Variants in MSI2 observed in about 807,000 individuals in gnomAD.
MSI2 encodes RNA-binding protein Musashi homolog 2.
A neutral mutation model predicts 45.6 loss-of-function variants in MSI2; 17 were observed. The observed-to-expected ratio is 0.37, with a 90% CI of 0.26 to 0.56. MSI2 has a LOEUF of 0.56. MSI2 is among the 20% of genes least tolerant of loss of function. MSI2 has a pLI of 0.77. For missense variants in MSI2, 293 were observed against 444.2 expected (o/e 0.66, Z 3.06); for synonymous variants, 156 against 158.2 (o/e 0.99, Z 0.11).
In MSI2 at chr17:57,410,008, C is replaced by CAAAAAAAAAAAAAAAAAAAAAAAA. The variant is rs59098048; in HGVS notation, c.405+8554_405+8555insAAAAAAAAAAAAAAAAAAAAAAAA. ...GGGTGACAGTGTGAGACTCTGTCTC[C>CAAAAAAAAAAAAAAAAAAAAAAAA]AAAAAAAAAAAAAAAAATGGGGAGT... is the stretch of plus-strand genomic sequence containing the variant. On this transcript the variant is annotated intron_variant, in intron 6 of 13. Transcript: ENST00000284073. Among the ~76,000 whole-genome samples the CAAAAAAAAAAAAAAAAAAAAAAAA allele has an allele frequency of 1.2e-3, 74 of 61,644 alleles. 4 individuals are homozygous for CAAAAAAAAAAAAAAAAAAAAAAAA. The highest frequency in any genetic ancestry group is 1.5e-3 in the Non-Finnish European group (50 of 33,730). 40.4% of individuals were successfully genotyped at this position (61,644 alleles called of 152,430 possible). A position where few individuals can be genotyped will look rare whatever the true frequency, so the allele number is the denominator to read the frequency against.
chr17:57,463,086 G>A (rs1448512846), intron 6 of MSI2, among the ~76,000 whole-genome samples: 3 of 152,198 alleles, frequency 2.0e-5, no homozygotes, highest in Non-Finnish European at 2.9e-5. Flanking sequence ...CTTGGAGGAC[G>A]CTAGTCCTGG....
chr17:57,623,455 C>G (rs558324335), intron 9 of MSI2, among the ~76,000 whole-genome samples: 7 of 152,308 alleles, frequency 4.6e-5, no homozygotes, highest in African/African-American at 1.7e-4. Flanking sequence ...ACAACTTTGT[C>G]AGCATCCCCA....
intron 5 of MSI2, among the ~76,000 whole-genome samples, chr17:57,351,468 CT>C: frequency 6.6e-6 from 1 of 152,324 alleles, no homozygotes; most frequent in South Asian, 2.1e-4. Context: ...CCTCAGCCCC[CT>C]GCCTGTTCCC....
At position 57,677,065 on chromosome 17, in the gene MSI2, A is replaced by G. The variant is rs777476189; in HGVS notation, c.*31+6A>G. 8.1e-6 allele frequency: 13 copies of G among 1,605,682 alleles called. No individual in the cohort carries two copies. Among genetic ancestry groups the G allele is most frequent in the Non-Finnish European group, 1.1e-5 (13 of 1,172,426 alleles). ...CGTTGCCATCTCACTCTGAGGTATT[A>G]CCGTCTCTGCCATGTGTCTCTGCCC... On this transcript the variant is annotated splice_donor_region_variant and intron_variant, in intron 13 of 13. Coordinates refer to ENST00000284073, the MANE Select transcript of MSI2 (RefSeq NM_138962.4).
chr17:57,545,187 G>A (rs183861786), intron 7 of MSI2, among the ~76,000 whole-genome samples: 53 of 152,146 alleles, frequency 3.5e-4, no homozygotes, highest in Non-Finnish European at 2.6e-4. Context: ...TTTAAGTAGA[G>A]CGTTAATGCA....
At chr17:57,348,141 T>A (rs933290890) in intron 5 of MSI2, among the ~76,000 whole-genome samples, 2 of 152,248 alleles carry the variant, frequency 1.3e-5, no homozygotes, top group Non-Finnish European at 1.5e-5. Context: ...GTTCTGTGCA[T>A]GCTTTGGCAC....
intron 5 of MSI2, among the ~76,000 whole-genome samples, chr17:57,383,833 C>T (rs773990447): frequency 2.0e-5 from 3 of 152,074 alleles, no homozygotes; most frequent in Non-Finnish European, 4.4e-5. Context: ...CGAGGTTTAC[C>T]CCCAATGAAT....
At chr17:57,687,666 C>G (rs2108612), downstream of MSI2, among the ~76,000 whole-genome samples, 39,624 of 151,884 alleles carry the variant, frequency 0.26, 5,740 homozygotes, top group South Asian at 0.42. Context: ...ATAATTCCAG[C>G]ACCATTTAAA....
In MSI2 at chr17:57,612,063, C is replaced by T. The variant is rs186233287; in HGVS notation, c.538-3907C>T. Among the ~76,000 whole-genome samples, 5 of 95,236 alleles carry T rather than the reference C, an allele frequency of 5.3e-5. 1 individual carries two copies. Among genetic ancestry groups the T allele is most frequent in the Admixed American group, 5.2e-4 (5 of 9,532 alleles). 62.5% of individuals were successfully genotyped at this position (95,236 alleles called of 152,430 possible). Reference sequence around the variant, plus strand: ...CCCTTTTTGGGTTCTGACTGTCACCCGGGTTGTTCATGCCAAGCTCTCTGG... The same window carrying T: ...CCCTTTTTGGGTTCTGACTGTCACCTGGGTTGTTCATGCCAAGCTCTCTGG... On this transcript the variant is annotated intron_variant, in intron 8 of 13. Coordinates refer to ENST00000284073, the MANE Select transcript of MSI2 (RefSeq NM_138962.4).
chr17:57,423,304 A>G (rs1440080626), intron 6 of MSI2, among the ~76,000 whole-genome samples: 3 of 152,214 alleles, frequency 2.0e-5, no homozygotes, highest in Non-Finnish European at 4.4e-5. Context: ...AGATTTAAGT[A>G]TATGCTTTTA....
the MSI2 span, among the ~76,000 whole-genome samples, chr17:57,692,779 C>A: frequency 6.6e-6 from 1 of 151,958 alleles, no homozygotes; most frequent in East Asian, 1.9e-4. Flanking sequence ...TGTCTTCTGG[C>A]TTGCATAATT....
intron 6 of MSI2, among the ~76,000 whole-genome samples, chr17:57,470,096 G>A (rs936646714): frequency 6.6e-6 from 1 of 152,144 alleles, no homozygotes. Flanking sequence ...GGCTGACTGC[G>A]GGCCTGTCAG....
chr17:57,267,817 C>T (rs1051025752), intron 5 of MSI2: 5 of 152,058 alleles, frequency 3.3e-5, no homozygotes, highest in Non-Finnish European at 7.3e-5. Flanking sequence ...TAATTAAGGT[C>T]CTTCAAAATC....
intron 11 of MSI2, among the ~76,000 whole-genome samples, chr17:57,657,428 G>A (rs1911678707): frequency 6.6e-6 from 1 of 152,154 alleles, no homozygotes; most frequent in African/African-American, 2.4e-5. Flanking sequence ...AGAGGGTAGG[G>A]ACAGAAGGCA....
intron 6 of MSI2, among the ~76,000 whole-genome samples, chr17:57,405,850 T>C (rs2084072283): frequency 6.6e-6 from 1 of 152,226 alleles, no homozygotes; most frequent in Non-Finnish European, 1.5e-5. Context: ...CATTTTACAA[T>C]GTGCTTCTCA....
chr17:57,564,600 G>A lies in MSI2; in HGVS notation c.455-32268G>A, dbSNP rs140806130. Among the ~76,000 whole-genome samples the A allele has an allele frequency of 1.0e-3, 157 of 152,264 alleles. 6 individuals carry two copies. The East Asian group carries it at 0.02, about 20-fold the overall frequency. ...TTCTGGAGACAGTGCTGCTGTCAGG[G>A]GAGCTCCAGCCCTAATAGGAGACTA... On this transcript the variant is annotated intron_variant, in intron 7 of 13. Transcript: ENST00000284073.
intron 5 of MSI2, among the ~76,000 whole-genome samples, chr17:57,287,639 C>T (rs35796576): frequency 6.6e-6 from 1 of 152,152 alleles, no homozygotes; most frequent in African/African-American, 2.4e-5. Flanking sequence ...GCTTCTCTGC[C>T]TTTCGGCTCC....
At chr17:57,645,773 C>T (rs1281208501) in intron 10 of MSI2, among the ~76,000 whole-genome samples, 1 of 152,072 alleles carries the variant, frequency 6.6e-6, no homozygotes, top group Non-Finnish European at 1.5e-5. Context: ...CTCTGCAGAC[C>T]AAGTAATCAG....
At chr17:57,648,830 A>G (rs1255606793) in intron 10 of MSI2, among the ~76,000 whole-genome samples, 1 of 152,150 alleles carries the variant, frequency 6.6e-6, no homozygotes, top group East Asian at 1.9e-4. Flanking sequence ...TGCTTTCCCA[A>G]GGAAGTAGCC....
Sources: gnomAD v4.1 joint callset for allele counts (sites outside exome capture counted in the v4.1 genomes callset) on GRCh38, gnomAD v4.1.1 for gene constraint, MANE v1.5 for transcripts, NCBI Gene and HGNC (gene_info 2026-07-23, HGNC 2026-07-21) for gene names.